MAML3: variants seen among roughly 807,000 people sequenced by gnomAD.
MAML3 encodes mastermind like transcriptional coactivator 3.
In MAML3, 27 loss-of-function variants were observed where a neutral mutation model predicts 101.9. That is an observed-to-expected ratio of 0.27 (90% confidence interval 0.20 to 0.37). MAML3 has a LOEUF of 0.37. Among genes scored for constraint, MAML3 ranks in the 10% least tolerant of loss-of-function variants. The pLI, the probability that MAML3 is intolerant of heterozygous loss-of-function variation, is 1.00. For synonymous variants in MAML3, 501 were observed against 555.9 expected, an observed-to-expected ratio of 0.90 and a Z score of 1.39; for missense variants, 1,316 against 1,444.9, an observed-to-expected ratio of 0.91 and a Z score of 1.45.
At chr4:139,994,799 G>C (rs1734773488) in intron 1 of MAML3, among the ~76,000 whole-genome samples, 1 of 151,882 alleles carries the variant, frequency 6.6e-6, no homozygotes, top group Non-Finnish European at 1.5e-5. Context: ...GTGTGTGTGT[G>C]TGTGTGTGTA....
intron 3 of MAML3, among the ~76,000 whole-genome samples, chr4:139,726,706 T>A (rs186619822): frequency 3.3e-5 from 5 of 152,348 alleles, no homozygotes; most frequent in Admixed American, 1.3e-4. Context: ...CATTTACTGC[T>A]TTGAGGAAAC....
chr4:139,873,255 G>T (rs551497137), intron 2 of MAML3, among the ~76,000 whole-genome samples: 63 of 152,256 alleles, frequency 4.1e-4, no homozygotes, highest in Non-Finnish European at 6.3e-4. Flanking sequence ...GAAATTTCTG[G>T]TATGTTTGGA....
At chr4:140,072,486 C>T (rs963377593) in intron 1 of MAML3, among the ~76,000 whole-genome samples, 3 of 151,952 alleles carry the variant, frequency 2.0e-5, no homozygotes, top group Admixed American at 6.6e-5. Context: ...CCCTGACCAA[C>T]ATAAAGAAAC....
At position 140,072,260 on chromosome 4, in the gene MAML3, A is replaced by G. The variant is rs146871480; in HGVS notation, c.468+80600T>C. Reference sequence around the variant, plus strand: ...CAAATATTTGAAGGAAAAAATTATGACTGTACTGAACATGTACAGACTTTT... The same window carrying G: ...CAAATATTTGAAGGAAAAAATTATGGCTGTACTGAACATGTACAGACTTTT... On this transcript the variant is annotated intron_variant, in intron 1 of 4. Coordinates refer to ENST00000509479, the MANE Select transcript of MAML3 (RefSeq NM_018717.5). Among the ~76,000 whole-genome samples the G allele has an allele frequency of 4.8e-3, 731 of 152,310 alleles. 3 individuals carry two copies. Among genetic ancestry groups the G allele is most frequent in the African/African-American group, 0.017 (699 of 41,568 alleles).
chr4:139,778,660 A>G (rs1264108638), intron 2 of MAML3, among the ~76,000 whole-genome samples: 1 of 152,180 alleles, frequency 6.6e-6, no homozygotes, highest in Non-Finnish European at 1.5e-5. Context: ...AACATTTATA[A>G]GGCCCTTGTG....
chr4:139,978,652 G>A (rs1272305818), intron 1 of MAML3, among the ~76,000 whole-genome samples: 2 of 145,734 alleles, frequency 1.4e-5, no homozygotes, highest in Non-Finnish European at 3.0e-5. Context: ...ACTGCGCTAG[G>A]CATTCACAAC....
At chr4:139,959,490 T>C (rs879867620) in intron 1 of MAML3, among the ~76,000 whole-genome samples, 4 of 152,206 alleles carry the variant, frequency 2.6e-5, no homozygotes, top group Non-Finnish European at 5.9e-5. Flanking sequence ...AGAAAGCTGC[T>C]TTCAAGGTGA....
chr4:139,912,722 G>A (rs867730175), intron 1 of MAML3, among the ~76,000 whole-genome samples: 9 of 152,222 alleles, frequency 5.9e-5, no homozygotes, highest in Non-Finnish European at 1.0e-4. Context: ...CTGGAGTTAC[G>A]CAGCTGCAAG....
chr4:139,896,075 A>G (rs867143218), intron 1 of MAML3, among the ~76,000 whole-genome samples: 1 of 152,208 alleles, frequency 6.6e-6, no homozygotes, highest in Non-Finnish European at 1.5e-5. Flanking sequence ...CTATATGGAA[A>G]GGTGGTCTGG....
rs202144994 is a variant in MAML3, at chr4:139,890,337, C to A, written c.1099G>T (p.Ala367Ser). The change falls in exon 2 of 5, where the codon GCA becomes TCA. Residue 367 changes from alanine to serine, a missense_variant. Physicochemically the swap from Ala to Ser is moderately conservative, Grantham distance 99. Coordinates refer to ENST00000509479, the MANE Select transcript of MAML3 (RefSeq NM_018717.5). This position sits in a 1 kb window ranked among gnomAD's most constrained non-coding sequence, Gnocchi z 4.1. ...VKSDPSHSPF[A>S]HVSMGSPQAR... ...TGGGGAGATCCCATGGAGACATGTG[C>A]GAAGGGAGAGTGAGAGGGGTCGCTC... 9.9e-6 allele frequency: 16 copies of A among 1,608,158 alleles called. No homozygotes were observed. The highest frequency in any genetic ancestry group is 1.3e-5 in the Non-Finnish European group (15 of 1,176,338).
chr4:140,044,905 C>T (rs922795353), intron 1 of MAML3, among the ~76,000 whole-genome samples: 1 of 152,120 alleles, frequency 6.6e-6, no homozygotes, highest in African/African-American at 2.4e-5. Flanking sequence ...GAAATTAACA[C>T]ACTTCAGAGG....
Position 139,784,155 on chromosome 4 carries a change from C to T in MAML3, c.2080-53488G>A, listed in dbSNP as rs557646289. Among the ~76,000 whole-genome samples the T allele has an allele frequency of 1.1e-4, 16 of 152,330 alleles. 1 individual carries two copies. In the East Asian group the frequency reaches 2.1e-3, roughly 20 times the overall value. On this transcript the variant is annotated intron_variant, in intron 2 of 4. Transcript: ENST00000509479. ...CAAGGAAAATGGCTAGCAAAACAAG[C>T]GAGCCTTTGTTGATGAGAGCAGTCA...
chr4:140,073,713 T>C (rs1482604762), intron 1 of MAML3, among the ~76,000 whole-genome samples: 1 of 152,182 alleles, frequency 6.6e-6, no homozygotes, highest in Non-Finnish European at 1.5e-5. Flanking sequence ...AAATAATCCA[T>C]ATGTTGCTTT....
intron 1 of MAML3, among the ~76,000 whole-genome samples, chr4:139,955,852 TG>T (rs2110766121): frequency 6.6e-6 from 1 of 152,236 alleles, no homozygotes; most frequent in South Asian, 2.1e-4. Flanking sequence ...GCACCAAACA[TG>T]GAGGTCACAT....
intron 1 of MAML3, among the ~76,000 whole-genome samples, chr4:139,909,235 A>C (rs1405286274): frequency 6.6e-6 from 1 of 152,260 alleles, no homozygotes; most frequent in African/African-American, 2.4e-5. Flanking sequence ...GGAAAGGATT[A>C]GTCAGATTAT....
intron 1 of MAML3, among the ~76,000 whole-genome samples, chr4:139,990,382 G>T (rs941731832): frequency 2.6e-5 from 4 of 151,670 alleles, no homozygotes; most frequent in Non-Finnish European, 5.9e-5. Flanking sequence ...AATAAATTAG[G>T]TATTGATGGG....
At chr4:139,880,836 C>A (rs940153403) in intron 2 of MAML3, among the ~76,000 whole-genome samples, 1 of 152,146 alleles carries the variant, frequency 6.6e-6, no homozygotes, top group African/African-American at 2.4e-5. Context: ...AGAATGAACA[C>A]CCACATTAAT....
At chr4:139,950,959 A>G (rs1310472344) in intron 1 of MAML3, among the ~76,000 whole-genome samples, 3 of 152,218 alleles carry the variant, frequency 2.0e-5, no homozygotes, top group Admixed American at 2.0e-4. Flanking sequence ...CGTGAAGAAC[A>G]ACCTCATTGC....
chr4:140,135,975 CATA>C (rs2111047070), intron 1 of MAML3, among the ~76,000 whole-genome samples: 1 of 152,292 alleles, frequency 6.6e-6, no homozygotes, highest in South Asian at 2.1e-4. Flanking sequence ...CACCAAACCA[CATA>C]ATATTTATTC....
Sources: gnomAD v4.1 joint callset for allele counts (sites outside exome capture counted in the v4.1 genomes callset) on GRCh38, gnomAD v4.1.1 for gene constraint, Gnocchi (gnomAD v3.1) non-coding constraint, MANE v1.5 for transcripts, NCBI Gene and HGNC (gene_info 2026-07-23, HGNC 2026-07-21) for gene names.